The following KCTD8 variants were observed in gnomAD, a reference collection of about 807,000 sequenced individuals.
KCTD8 encodes the protein potassium channel tetramerization domain containing 8.
In KCTD8, 27 loss-of-function variants were observed where a neutral mutation model predicts 31.5. The observed-to-expected ratio is 0.86, with a 90% CI of 0.63 to 1.18. KCTD8 has a LOEUF of 1.18. Among genes scored for constraint, KCTD8 ranks in the 50% most tolerant of loss-of-function variants. The pLI, the probability that KCTD8 is intolerant of heterozygous loss-of-function variation, is 0.00. For missense variants in KCTD8, 658 were observed against 647.7 expected, an observed-to-expected ratio of 1.02 and a Z score of -0.17; for synonymous variants, 290 against 280.0, an observed-to-expected ratio of 1.04 and a Z score of -0.36.
chr4:44,429,950 G>C (rs904292148), intron 1 of KCTD8, among the ~76,000 whole-genome samples: 1 of 151,506 alleles, frequency 6.6e-6, no homozygotes, highest in East Asian at 1.9e-4. Context: ...AATTGCAATG[G>C]CTTTCCTTTC....
rs1030312828 is a variant in KCTD8, at chr4:44,368,154, A to G, written c.961+79409T>C. 5.3e-5 allele frequency among the ~76,000 whole-genome samples: 8 copies of G among 152,124 alleles called. No individual in the cohort carries two copies. The East Asian group carries it at 1.5e-3, about 29-fold the overall frequency. ...CACTTTGGGAGGCTGAGGTGGGTGG[A>G]TCACCTGAGGTCAAAAGTTTGAGAC... is the stretch of plus-strand genomic sequence containing the variant. On this transcript the variant is annotated intron_variant, in intron 1 of 1. Coordinates refer to ENST00000360029, the MANE Select transcript of KCTD8 (RefSeq NM_198353.3).
intron 1 of KCTD8, among the ~76,000 whole-genome samples, chr4:44,268,137 A>G (rs938287324): frequency 1.4e-4 from 22 of 152,210 alleles, no homozygotes; most frequent in African/African-American, 5.3e-4. Flanking sequence ...TGATGCAAAA[A>G]TCCTCAATAA....
Position 44,174,802 on chromosome 4 carries a change from C to T in KCTD8, c.1410G>A (p.Lys470=). Residue 470 remains lysine, a synonymous_variant, in exon 2 of 2, where the codon AAG becomes AAA. Transcript: ENST00000360029. ...KRQWQSELLQ[K]YGL ...AATGTGACAATTACTATAACCCATACTTCTGCAACAGTTCAGATTGCCATT... is the reference window on the plus strand; with the variant it reads ...AATGTGACAATTACTATAACCCATATTTCTGCAACAGTTCAGATTGCCATT... The T allele has an allele frequency of 6.2e-7, 1 of 1,604,768 alleles. No individual in the cohort carries two copies. Among genetic ancestry groups the T allele is most frequent in the Non-Finnish European group, 8.5e-7 (1 of 1,175,206 alleles).
At chr4:44,238,824 G>C (rs75903066) in intron 1 of KCTD8, among the ~76,000 whole-genome samples, 5,424 of 152,138 alleles carry the variant, frequency 0.036, 153 homozygotes, top group Non-Finnish European at 0.047. Flanking sequence ...TAACATAGTA[G>C]CATTATTATA....
At chr4:44,414,281 A>G (rs1270698416) in intron 1 of KCTD8, among the ~76,000 whole-genome samples, 2 of 152,160 alleles carry the variant, frequency 1.3e-5, no homozygotes, top group Admixed American at 6.6e-5. Flanking sequence ...TATGCTGATT[A>G]TTAGAAAAGT....
At chr4:44,357,231 A>T (rs1367325292) in intron 1 of KCTD8, among the ~76,000 whole-genome samples, 1 of 152,186 alleles carries the variant, frequency 6.6e-6, no homozygotes, top group African/African-American at 2.4e-5. Context: ...AAATAACTTG[A>T]CAAAAGCAAC....
At chr4:44,232,596 T>C (rs1338305353) in intron 1 of KCTD8, among the ~76,000 whole-genome samples, 2 of 152,182 alleles carry the variant, frequency 1.3e-5, no homozygotes, top group Admixed American at 1.3e-4. Context: ...TTCAGCAGTG[T>C]TTGTACTTCC....
At chr4:44,440,938 A>T (rs1283766542) in intron 1 of KCTD8, among the ~76,000 whole-genome samples, 1 of 152,242 alleles carries the variant, frequency 6.6e-6, no homozygotes, top group Non-Finnish European at 1.5e-5. Flanking sequence ...GAATAAACTT[A>T]TAAATGATAT....
intron 1 of KCTD8, among the ~76,000 whole-genome samples, chr4:44,301,469 G>A (rs1717620030): frequency 6.6e-6 from 1 of 152,232 alleles, no homozygotes; most frequent in African/African-American, 2.4e-5. Context: ...GATGGCCAGT[G>A]ATGATGAGCA....
chr4:44,426,775 C>A (rs1721360369), intron 1 of KCTD8, among the ~76,000 whole-genome samples: 1 of 151,784 alleles, frequency 6.6e-6, no homozygotes, highest in African/African-American at 2.4e-5. Context: ...CATCATGAAA[C>A]AAATAATTCA....
chr4:44,317,731 C>A (rs943057159), intron 1 of KCTD8, among the ~76,000 whole-genome samples: 15 of 152,126 alleles, frequency 9.9e-5, no homozygotes, highest in African/African-American at 3.1e-4. Context: ...TGGAAAAATT[C>A]AAAAAATTGC....
chr4:44,376,874 AG>A (rs1286334979), intron 1 of KCTD8, among the ~76,000 whole-genome samples: 1 of 152,172 alleles, frequency 6.6e-6, no homozygotes, highest in African/African-American at 2.4e-5. Context: ...GGTAACATGC[AG>A]AAGCAGCAAG....
chr4:44,302,318 A>G (rs551439946), intron 1 of KCTD8, among the ~76,000 whole-genome samples: 7 of 152,244 alleles, frequency 4.6e-5, no homozygotes, highest in South Asian at 4.1e-4. Flanking sequence ...CAGGATGGCC[A>G]TTTTCACAAT....
intron 1 of KCTD8, among the ~76,000 whole-genome samples, chr4:44,227,580 C>A (rs1178150158): frequency 2.6e-5 from 4 of 152,186 alleles, no homozygotes; most frequent in Non-Finnish European, 5.9e-5. Context: ...TGAAACCCAC[C>A]TACTAAATTA....
intron 1 of KCTD8, among the ~76,000 whole-genome samples, chr4:44,298,044 C>T (rs35872281): frequency 0.052 from 7,968 of 152,162 alleles, 274 homozygotes; most frequent in Non-Finnish European, 0.081. Flanking sequence ...ATCTCTCTGT[C>T]GCTCACAAGA....
At chr4:44,175,284 A>T in intron 1 of KCTD8, 34 bp from the exon 2 acceptor site, 2 of 1,279,890 alleles carry the variant, frequency 1.6e-6, no homozygotes, top group Non-Finnish European at 2.2e-6. Context: ...AGAAGAGTAG[A>T]ACAGTTGAAT....
At chr4:44,291,690 C>T (rs767619463) in intron 1 of KCTD8, among the ~76,000 whole-genome samples, 3 of 151,918 alleles carry the variant, frequency 2.0e-5, no homozygotes, top group Non-Finnish European at 2.9e-5. Context: ...AGCAGACAAC[C>T]TACAGAATGG....
At chr4:44,357,758 T>G (rs1487751383) in intron 1 of KCTD8, among the ~76,000 whole-genome samples, 1 of 152,074 alleles carries the variant, frequency 6.6e-6, no homozygotes, top group African/African-American at 2.4e-5. Flanking sequence ...AGTAGAGATT[T>G]TTTTTCATAC....
chr4:44,235,513 A>G (rs1715249632), intron 1 of KCTD8, among the ~76,000 whole-genome samples: 1 of 128,094 alleles, frequency 7.8e-6, no homozygotes, highest in Admixed American at 8.0e-5. Context: ...ATACAGAAAG[A>G]GAGACACTGG....
Sources: gnomAD v4.1 joint callset for allele counts (sites outside exome capture counted in the v4.1 genomes callset) on GRCh38, gnomAD v4.1.1 for gene constraint, MANE v1.5 for transcripts, NCBI Gene and HGNC (gene_info 2026-07-23, HGNC 2026-07-21) for gene names.